Variants in ACTR5 observed in about 807,000 individuals in gnomAD.
The protein encoded by ACTR5 is actin-related protein 5.
ACTR5 carries 43 observed loss-of-function variants against 61.2 expected under a neutral mutation model. That is an observed-to-expected ratio of 0.70 (90% CI 0.55 to 0.91). The LOEUF (loss-of-function observed/expected upper bound fraction) is 0.91. ACTR5 is among the 40% of genes least tolerant of loss of function. The pLI, the probability that ACTR5 is intolerant of heterozygous loss-of-function variation, is 0.00. For missense variants in ACTR5, 798 were observed against 782.2 expected, an observed-to-expected ratio of 1.02 and a Z score of -0.24; for synonymous variants, 333 against 310.5, an observed-to-expected ratio of 1.07 and a Z score of -0.76.
chr20:38,765,379 T>C (rs1257964243), intron 5 of ACTR5, 23 bp from the exon 6 acceptor site: 3 of 1,582,128 alleles, frequency 1.9e-6, no homozygotes, highest in Admixed American at 1.7e-5. Flanking sequence ...ACAGGTTCTG[T>C]TTCATTTTGC....
Position 38,748,553 on chromosome 20 carries a change from A to G in ACTR5, c.75A>G (p.Ala25=). The change falls in exon 1 of 9, where the codon GCA becomes GCG. Residue 25 remains alanine, a synonymous_variant. Transcript: ENST00000243903. ...PDPVLEAGPV[A]HGPLPVPLVL... ...CAGTGCTGGAGGCCGGCCCGGTGGC[A>G]CACGGGCCACTGCCGGTACCGCTGG... The G allele has an allele frequency of 6.6e-7, 1 of 1,512,876 alleles. No individual in the cohort carries two copies. The highest frequency in any genetic ancestry group is 2.7e-5 in the East Asian group (1 of 36,478). The allele number at this position is 1,512,876 out of a possible 1,614,324, so 93.7% of individuals were successfully genotyped here. A position where few individuals can be genotyped will look rare whatever the true frequency, so the allele number is the denominator to read the frequency against.
At chr20:38,750,754 G>C (rs775493793) in intron 2 of ACTR5, among the ~76,000 whole-genome samples, 4 of 151,916 alleles carry the variant, frequency 2.6e-5, no homozygotes. Flanking sequence ...TCAGCCTCCC[G>C]AGTAGCTGGG....
At chr20:38,754,644 G>A (rs1019037250) in intron 3 of ACTR5, among the ~76,000 whole-genome samples, 4 of 152,034 alleles carry the variant, frequency 2.6e-5, no homozygotes, top group East Asian at 1.9e-4. Context: ...GCGTGAACCC[G>A]GGAGGCAGAA....
chr20:38,771,884 G>A lies in ACTR5; in HGVS notation c.*68G>A. The A allele has an allele frequency of 6.5e-7, 1 of 1,533,516 alleles. No homozygotes were observed. Among genetic ancestry groups the A allele is most frequent in the Admixed American group, 2.0e-5 (1 of 50,916 alleles). The allele number at this position is 1,533,516 out of a possible 1,614,324, so 95.0% of individuals were successfully genotyped here. On this transcript the variant is annotated 3_prime_UTR_variant, in exon 9 of 9. Coordinates refer to ENST00000243903, the MANE Select transcript of ACTR5 (RefSeq NM_024855.4). ...GCCACGTTGGCAGTGTGACAGGACT[G>A]TGATTGTGCTAGATGTACCTGCCCA...
At position 38,752,306 on chromosome 20, in the gene ACTR5, C is replaced by T; in HGVS notation, c.775+6C>T. On this transcript the variant is annotated splice_donor_region_variant and intron_variant, in intron 3 of 8. Coordinates refer to ENST00000243903, the MANE Select transcript of ACTR5 (RefSeq NM_024855.4). ...CGCTGAGGATTATGTGGAAGGTATC[C>T]AAGAGGATGTTTGCCTGCAGCTTTT... is the stretch of plus-strand genomic sequence containing the variant. The T allele has an allele frequency of 6.3e-7, 1 of 1,582,872 alleles. No individual in the cohort carries two copies. Among genetic ancestry groups the T allele is most frequent in the East Asian group, 2.3e-5 (1 of 43,970 alleles).
At chr20:38,756,654 C>T (rs543041827) in intron 5 of ACTR5, among the ~76,000 whole-genome samples, 8 of 152,332 alleles carry the variant, frequency 5.3e-5, no homozygotes, top group Admixed American at 5.2e-4. Flanking sequence ...CTTGTAATCC[C>T]AGCACTTTGG....
intron 3 of ACTR5, among the ~76,000 whole-genome samples, chr20:38,752,929 T>TA (rs398121311): frequency 6.6e-6 from 1 of 152,172 alleles, no homozygotes; most frequent in Non-Finnish European, 1.5e-5. Flanking sequence ...CTTTTTTTTT[T>TA]AATTGTGAAA....
At chr20:38,767,634 G>A (rs556643366) in intron 8 of ACTR5, 38 bp downstream of exon 8, 4 of 1,568,612 alleles carry the variant, frequency 2.6e-6, no homozygotes, top group African/African-American at 1.4e-5. Flanking sequence ...TTTGAAAATA[G>A]CATTACCTGT....
intron 3 of ACTR5, among the ~76,000 whole-genome samples, chr20:38,752,689 C>T (rs1330230156): frequency 1.3e-5 from 2 of 152,180 alleles, no homozygotes; most frequent in Non-Finnish European, 2.9e-5. Context: ...TTGTCTTGGA[C>T]TTTTGGTTGT....
intron 6 of ACTR5, 26 bp from the exon 7 acceptor site, chr20:38,766,212 A>G (rs1447722553): frequency 1.3e-6 from 2 of 1,587,630 alleles, no homozygotes; most frequent in Admixed American, 3.8e-5. Context: ...GCCTAAAAAT[A>G]TCTTTTAAAC....
intron 5 of ACTR5, among the ~76,000 whole-genome samples, chr20:38,757,073 A>C (rs1160564197): frequency 6.6e-6 from 1 of 152,038 alleles, no homozygotes; most frequent in African/African-American, 2.4e-5. Context: ...CTACAGGTGA[A>C]CGCCAGCATG....
chr20:38,754,902 A>G, intron 3 of ACTR5, 55 bp from the exon 4 acceptor site: 1 of 1,582,236 alleles, frequency 6.3e-7, no homozygotes, highest in Non-Finnish European at 8.7e-7. Flanking sequence ...ATTGACTTTA[A>G]TTGTTGTGTT....
chr20:38,763,795 G>C (rs892521583), intron 5 of ACTR5, among the ~76,000 whole-genome samples: 2 of 152,198 alleles, frequency 1.3e-5, no homozygotes, highest in African/African-American at 4.8e-5. Context: ...GGCAGGGACA[G>C]CTTTTGCTTC....
intron 5 of ACTR5, among the ~76,000 whole-genome samples, chr20:38,758,674 G>C (rs1362465301): frequency 6.6e-6 from 1 of 151,620 alleles, no homozygotes; most frequent in Non-Finnish European, 1.5e-5. Context: ...ATGATCAGTC[G>C]TCAAAGCTTT....
chr20:38,762,292 A>G (rs571129569), intron 5 of ACTR5, among the ~76,000 whole-genome samples: 202 of 152,320 alleles, frequency 1.3e-3, no homozygotes, highest in Non-Finnish European at 2.3e-3. Flanking sequence ...CAGTGTGGCC[A>G]CTGGTTTCCA....
intron 2 of ACTR5, among the ~76,000 whole-genome samples, chr20:38,750,597 G>GT (rs2084381033): frequency 1.3e-5 from 1 of 78,696 alleles, no homozygotes; most frequent in African/African-American, 3.4e-5. Context: ...GTGTTCTGGA[G>GT]TTTTTTTTGT....
chr20:38,760,391 C>T (rs1033089769), intron 5 of ACTR5, among the ~76,000 whole-genome samples: 3 of 151,872 alleles, frequency 2.0e-5, no homozygotes, highest in African/African-American at 7.3e-5. Context: ...GGGAATGAGA[C>T]GATGAGATTT....
chr20:38,768,880 A>G (rs2084503826), intron 8 of ACTR5, among the ~76,000 whole-genome samples: 1 of 152,198 alleles, frequency 6.6e-6, no homozygotes, highest in African/African-American at 2.4e-5. Flanking sequence ...GAAGGAGTCT[A>G]AGCAGGGAAT....
chr20:38,755,733 C>G (rs2084416383), intron 4 of ACTR5, 124 bp from the exon 5 acceptor site: 2 of 919,800 alleles, frequency 2.2e-6, no homozygotes, highest in African/African-American at 1.7e-5. Context: ...AAACTGGAGG[C>G]AGCTGGAGGC....
Sources: allele counts gnomAD v4.1 joint callset (sites outside exome capture counted in the v4.1 genomes callset), GRCh38; gene constraint gnomAD v4.1.1; transcripts MANE v1.5; gene names NCBI Gene and HGNC (gene_info 2026-07-23, HGNC 2026-07-21).